OR2T8: variants seen among roughly 807,000 people sequenced by gnomAD.
OR2T8 encodes olfactory receptor 2T8.
For missense variants in OR2T8, 161 were observed against 389.4 expected, an observed-to-expected ratio of 0.41 and a Z score of 4.94; for synonymous variants, 56 against 154.3, an observed-to-expected ratio of 0.36 and a Z score of 4.72.
rs367872402 is a variant in OR2T8, at chr1:247,921,792, A to C, written c.775A>C (p.Arg259=). The change falls in exon 2 of 2, where the codon AGA becomes CGA. Residue 259 remains arginine, a synonymous_variant. Coordinates refer to ENST00000641945, the MANE Select transcript of OR2T8 (RefSeq NM_001005522.2). The stretch of plus-strand genomic sequence containing the variant: ...TGGAGCTGCCATTTTTACCTATATG[A>C]GACCCAAATCCCACAGGTCCACTAA... The part of the protein sequence containing the change: ...FYGAAIFTYM[R]PKSHRSTNHD... The C allele has an allele frequency of 6.2e-6, 10 of 1,606,544 alleles. No homozygotes were observed. The highest frequency in any genetic ancestry group is 3.8e-4 in the Middle Eastern group (2 of 5,208).
rs1300858060 is a variant in OR2T8, at chr1:247,923,151, TA to T, written c.*1196del. Among the ~76,000 whole-genome samples the T allele has an allele frequency of 2.6e-5, 4 of 152,228 alleles. No homozygotes were observed. Among genetic ancestry groups the T allele is most frequent in the African/African-American group, 9.6e-5 (4 of 41,454 alleles). On this transcript the variant is annotated 3_prime_UTR_variant, in exon 2 of 2. Coordinates refer to ENST00000641945, the MANE Select transcript of OR2T8 (RefSeq NM_001005522.2). ...TCATATATTGGGTTATTTTTTATTA[TA>T]TTTCCTGACACATGTGTTATCATTC...
Position 247,922,072 on chromosome 1 carries a change from T to G in OR2T8, c.*116T>G, listed in dbSNP as rs1660031708. 3 of 1,088,196 alleles carry G rather than the reference T, an allele frequency of 2.8e-6. No homozygotes were observed. The highest frequency in any genetic ancestry group is 2.6e-6 in the Non-Finnish European group (2 of 762,932). 67.4% of individuals were successfully genotyped at this position (1,088,196 alleles called of 1,614,324 possible). On this transcript the variant is annotated 3_prime_UTR_variant, in exon 2 of 2. Transcript: ENST00000641945. ...CTGTTGTCTCTGTGTGTGTGTGTGT[T>G]TGTGTGTTGCTTTGAATTGCAGATG...
chr1:247,922,020 A>G lies in OR2T8; in HGVS notation c.*64A>G. ...TGTTTGTGTGGAATTTCCTAGAAAT[A>G]AGGAATATACACTTTTATTTCTACA... On this transcript the variant is annotated 3_prime_UTR_variant, in exon 2 of 2. Coordinates refer to ENST00000641945, the MANE Select transcript of OR2T8 (RefSeq NM_001005522.2). 1 of 1,525,994 alleles carries G rather than the reference A, an allele frequency of 6.6e-7. No homozygotes were observed. 94.5% of individuals were successfully genotyped at this position (1,525,994 alleles called of 1,614,324 possible). A position where few individuals can be genotyped will look rare whatever the true frequency, so the allele number is the denominator to read the frequency against.
Position 247,923,015 on chromosome 1 carries a change from A to C in OR2T8, c.*1059A>C, listed in dbSNP as rs919123139. Among the ~76,000 whole-genome samples the C allele has an allele frequency of 1.3e-5, 2 of 152,162 alleles. No homozygotes were observed. Among genetic ancestry groups the C allele is most frequent in the Non-Finnish European group, 2.9e-5 (2 of 68,016 alleles). ...CCTATTGATGTAAACTGTCTACTTC[A>C]GTTTTTGGAAAAAAAAATCTGTATA... On this transcript the variant is annotated 3_prime_UTR_variant, in exon 2 of 2. Coordinates refer to ENST00000641945, the MANE Select transcript of OR2T8 (RefSeq NM_001005522.2).
rs193012120 is a variant in OR2T8, at chr1:247,922,058, G to C, written c.*102G>C. 5.5e-4 allele frequency: 435 copies of C among 795,544 alleles called. 1 individual carries two copies. Among genetic ancestry groups the C allele is most frequent in the African/African-American group, 3.3e-3 (183 of 55,586 alleles). The allele number at this position is 795,544 out of a possible 1,614,324, so 49.3% of individuals were successfully genotyped here. On this transcript the variant is annotated 3_prime_UTR_variant, in exon 2 of 2. Transcript: ENST00000641945. ...TTTTATTTCTACATCTGTTGTCTCT[G>C]TGTGTGTGTGTGTTTGTGTGTTGCT...
In OR2T8 at chr1:247,922,314, C is replaced by T. The variant is rs1249402728; in HGVS notation, c.*358C>T. On this transcript the variant is annotated 3_prime_UTR_variant, in exon 2 of 2. Coordinates refer to ENST00000641945, the MANE Select transcript of OR2T8 (RefSeq NM_001005522.2). The stretch of plus-strand genomic sequence containing the variant: ...TGTAGCTTACACACAGTAGAATGCT[C>T]GCATTTAAGATGTTCCTTTTCAACT... Among the ~76,000 whole-genome samples, 2 of 152,168 alleles carry T rather than the reference C, an allele frequency of 1.3e-5. No homozygotes were observed. The highest frequency in any genetic ancestry group is 2.4e-5 in the African/African-American group (1 of 41,442).
chr1:247,922,655 A>G lies in OR2T8; in HGVS notation c.*699A>G, dbSNP rs1024987809. Among the ~76,000 whole-genome samples, 5 of 151,932 alleles carry G rather than the reference A, an allele frequency of 3.3e-5. No individual in the cohort carries two copies. Among genetic ancestry groups the G allele is most frequent in the Admixed American group, 2.6e-4 (4 of 15,246 alleles). On this transcript the variant is annotated 3_prime_UTR_variant, in exon 2 of 2. Coordinates refer to ENST00000641945, the MANE Select transcript of OR2T8 (RefSeq NM_001005522.2). ...TATTTTGTTTTCTGAAAATTTCATC[A>G]TTTGTTTATCCATTATTTTGCTGAT...
In OR2T8 at chr1:247,922,056, C is replaced by CTGTG; in HGVS notation, c.*112_*115dup. On this transcript the variant is annotated 3_prime_UTR_variant, in exon 2 of 2. Transcript: ENST00000641945. ...ACTTTTATTTCTACATCTGTTGTCTCTGTGTGTGTGTGTGTTTGTGTGTTG... is the reference window on the plus strand; with the variant it reads ...ACTTTTATTTCTACATCTGTTGTCTCTGTGTGTGTGTGTGTGTGTTTGTGTGTTG... 2 of 1,150,012 alleles carry CTGTG rather than the reference C, an allele frequency of 1.7e-6. No homozygotes were observed. The highest frequency in any genetic ancestry group is 2.4e-6 in the Non-Finnish European group (2 of 826,968). The allele number at this position is 1,150,012 out of a possible 1,614,324, so 71.2% of individuals were successfully genotyped here.
rs140741173 is a variant in OR2T8, at chr1:247,921,312, A to T, written c.295A>T (p.Ile99Phe). ...AISRAGCGAQ[I>F]FFLPTLGGGE... Reference sequence around the variant, plus strand: ...CTCCCGCGCTGGCTGTGGTGCGCAGATCTTCTTCCTCCCCACACTGGGTGG... The same window carrying T: ...CTCCCGCGCTGGCTGTGGTGCGCAGTTCTTCTTCCTCCCCACACTGGGTGG... The change falls in exon 2 of 2, where the codon ATC (isoleucine) becomes TTC (phenylalanine). Residue 99 changes from isoleucine to phenylalanine, a missense_variant. Physicochemically the swap from Ile to Phe is conservative, Grantham distance 21. Coordinates refer to ENST00000641945, the MANE Select transcript of OR2T8 (RefSeq NM_001005522.2). 2,510 of 800,114 alleles carry T rather than the reference A, an allele frequency of 3.1e-3. 69 individuals are homozygous for T. The African/African-American group carries it at 0.053, about 17-fold the overall frequency. 49.6% of individuals were successfully genotyped at this position (800,114 alleles called of 1,614,324 possible).
Position 247,921,745 on chromosome 1 carries a change from T to C in OR2T8, c.728T>C (p.Val243Ala), listed in dbSNP as rs746192867. Residue 243 changes from valine to alanine, a missense_variant, in exon 2 of 2, where the codon GTG becomes GCG. Val to Ala is a moderately conservative substitution (Grantham distance 64, BLOSUM62 0). Transcript: ENST00000641945. ...KKAFATCSSH[V>A]AVVGLFYGAA... ...GCCTTTGCCACCTGCTCTTCACATG[T>C]GGCTGTGGTGGGACTCTTTTATGGA... The C allele has an allele frequency of 1.3e-6, 2 of 1,596,774 alleles. No individual in the cohort carries two copies. Among genetic ancestry groups the C allele is most frequent in the African/African-American group, 1.4e-5 (1 of 73,100 alleles).
Position 247,921,101 on chromosome 1 carries a change from G to A in OR2T8, c.84G>A (p.Met28Ile). 1 of 1,609,802 alleles carries A rather than the reference G, an allele frequency of 6.2e-7. No homozygotes were observed. Among genetic ancestry groups the A allele is most frequent in the Non-Finnish European group, 8.5e-7 (1 of 1,178,406 alleles). The change falls in exon 2 of 2, where the codon ATG becomes ATA. Residue 28 changes from methionine to isoleucine, a missense_variant. Met to Ile is a conservative substitution (Grantham distance 10). Transcript: ENST00000641945. ...HTRAHQVLFM[M>I]VLSIVLTSLF... Reference sequence around the variant, plus strand: ...GAGCCCACCAAGTCCTCTTCATGATGGTTCTGAGTATCGTTTTGACCTCCC... The same window carrying A: ...GAGCCCACCAAGTCCTCTTCATGATAGTTCTGAGTATCGTTTTGACCTCCC...
chr1:247,920,891 A>G (rs939173036), intron 1 of OR2T8, 107 bp from the exon 2 acceptor site: 7 of 776,186 alleles, frequency 9.0e-6, no homozygotes, highest in Admixed American at 3.0e-5. Flanking sequence ...AAGATTTGAC[A>G]TAGGTTTCAT....
Position 247,922,056 on chromosome 1 carries a change from C to G in OR2T8, c.*100C>G, listed in dbSNP as rs1258943269. 12 of 1,149,988 alleles carry G rather than the reference C, an allele frequency of 1.0e-5. No individual in the cohort carries two copies. The highest frequency in any genetic ancestry group is 4.7e-5 in the African/African-American group (3 of 63,668). The allele number at this position is 1,149,988 out of a possible 1,614,324, so 71.2% of individuals were successfully genotyped here. A position where few individuals can be genotyped will look rare whatever the true frequency, so the allele number is the denominator to read the frequency against. ...ACTTTTATTTCTACATCTGTTGTCT[C>G]TGTGTGTGTGTGTGTTTGTGTGTTG... On this transcript the variant is annotated 3_prime_UTR_variant, in exon 2 of 2. Transcript: ENST00000641945.
At chr1:247,920,925 A>G (rs1432481028) in intron 1 of OR2T8, 73 bp from the exon 2 acceptor site, 22 of 1,149,326 alleles carry the variant, frequency 1.9e-5, no homozygotes, top group Non-Finnish European at 2.4e-5. Flanking sequence ...GTACTTTTCT[A>G]TTTTTTTACT....
chr1:247,920,989 C>A lies in OR2T8; in HGVS notation c.-20-9C>A. ...ATAAACACTCTGTCTTCTTTTTCTC[C>A]ATTTGCAGTGTCACTCTTATTTGAA... On this transcript the variant is annotated splice_polypyrimidine_tract_variant and intron_variant, in intron 1 of 1. Coordinates refer to ENST00000641945, the MANE Select transcript of OR2T8 (RefSeq NM_001005522.2). 1.9e-6 allele frequency: 3 copies of A among 1,543,048 alleles called. No individual in the cohort carries two copies. The highest frequency in any genetic ancestry group is 2.6e-6 in the Non-Finnish European group (3 of 1,132,946).
rs1009802401 is a variant in OR2T8, at chr1:247,922,864, A to G, written c.*908A>G. Among the ~76,000 whole-genome samples, 2 of 152,198 alleles carry G rather than the reference A, an allele frequency of 1.3e-5. No individual in the cohort carries two copies. Among genetic ancestry groups the G allele is most frequent in the African/African-American group, 4.8e-5 (2 of 41,442 alleles). On this transcript the variant is annotated 3_prime_UTR_variant, in exon 2 of 2. Coordinates refer to ENST00000641945, the MANE Select transcript of OR2T8 (RefSeq NM_001005522.2). Reference sequence around the variant, plus strand: ...AATGCACACAAGTTCCTGTTGCTCCAAATGTCGATGTTTTCTTCATTTTAG... The same window carrying G: ...AATGCACACAAGTTCCTGTTGCTCCGAATGTCGATGTTTTCTTCATTTTAG...
chr1:247,922,106 T>C lies in OR2T8; in HGVS notation c.*150T>C, dbSNP rs897515930. 1.5e-5 allele frequency: 12 copies of C among 813,900 alleles called. No homozygotes were observed. Among genetic ancestry groups the C allele is most frequent in the Non-Finnish European group, 1.7e-5 (9 of 527,150 alleles). 50.4% of individuals were successfully genotyped at this position (813,900 alleles called of 1,614,324 possible). A position where few individuals can be genotyped will look rare whatever the true frequency, so the allele number is the denominator to read the frequency against. ...GCTTTGAATTGCAGATGAATCTTCA[T>C]TCCTCGGGTTCATTTACTCAGCTAT... On this transcript the variant is annotated 3_prime_UTR_variant, in exon 2 of 2. Coordinates refer to ENST00000641945, the MANE Select transcript of OR2T8 (RefSeq NM_001005522.2).
Position 247,922,041 on chromosome 1 carries a change from C to G in OR2T8, c.*85C>G. 7.5e-7 allele frequency: 1 copy of G among 1,327,432 alleles called. No individual in the cohort carries two copies. The highest frequency in any genetic ancestry group is 1.0e-6 in the Non-Finnish European group (1 of 952,550). 82.2% of individuals were successfully genotyped at this position (1,327,432 alleles called of 1,614,324 possible). A position where few individuals can be genotyped will look rare whatever the true frequency, so the allele number is the denominator to read the frequency against. On this transcript the variant is annotated 3_prime_UTR_variant, in exon 2 of 2. Transcript: ENST00000641945. ...AAATAAGGAATATACACTTTTATTT[C>G]TACATCTGTTGTCTCTGTGTGTGTG...
rs1660035821 is a variant in OR2T8 at position 247,922,405 on chromosome 1, G to A, written c.*449G>A. 6.6e-6 allele frequency among the ~76,000 whole-genome samples: 1 copy of A among 152,166 alleles called. No homozygotes were observed. The highest frequency in any genetic ancestry group is 1.9e-4 in the East Asian group (1 of 5,194). Reference sequence around the variant, plus strand: ...AAGAGACACCATTTTCACCACCTCAGAAAGGTCCTGCAGGCCCTTTTCCAG... The same window carrying A: ...AAGAGACACCATTTTCACCACCTCAAAAAGGTCCTGCAGGCCCTTTTCCAG... On this transcript the variant is annotated 3_prime_UTR_variant, in exon 2 of 2. Transcript: ENST00000641945.
Sources: gnomAD v4.1 joint callset for allele counts (sites outside exome capture counted in the v4.1 genomes callset) on GRCh38, gnomAD v4.1.1 for gene constraint, MANE v1.5 for transcripts, NCBI Gene and HGNC (gene_info 2026-07-23, HGNC 2026-07-21) for gene names.